Variants in OR1J2 observed in about 807,000 individuals in gnomAD.
The protein encoded by OR1J2 is olfactory receptor 1J2.
For synonymous variants in OR1J2, 142 were observed against 99.7 expected (o/e 1.42, Z -2.52); for missense variants, 304 against 246.1 (o/e 1.24, Z -1.57).
At chr9:122,508,203 GAGA>G (rs1458531387), upstream of OR1J2, among the ~76,000 whole-genome samples, 100 of 151,148 alleles carry the variant, frequency 6.6e-4, no homozygotes, top group African/African-American at 2.2e-3. Flanking sequence ...GAAGAAGGAG[GAGA>G]AGGAGGAGGA....
At chr9:122,457,324 C>T in the OR1J2 span, among the ~76,000 whole-genome samples, 2 of 152,036 alleles carry the variant, frequency 1.3e-5, no homozygotes, top group Non-Finnish European at 2.9e-5. Flanking sequence ...CACCATGGCA[C>T]ACGTTTGCCT....
the OR1J2 span, among the ~76,000 whole-genome samples, chr9:122,485,374 C>A: frequency 2.6e-4 from 39 of 152,238 alleles, no homozygotes; most frequent in Admixed American, 7.2e-4. Context: ...CACTTTGGAC[C>A]CAAACTTGAC....
the OR1J2 span, chr9:122,578,315 G>A: frequency 6.6e-6 from 1 of 152,166 alleles, no homozygotes; most frequent in Non-Finnish European, 1.5e-5. Flanking sequence ...TGGTCATGGT[G>A]GCAGTCACCT....
chr9:122,513,784 G>A (rs1255924359), downstream of OR1J2, among the ~76,000 whole-genome samples: 2 of 151,860 alleles, frequency 1.3e-5, no homozygotes, highest in South Asian at 4.1e-4. Flanking sequence ...TGATTCACAA[G>A]CATTTTCACA....
chr9:122,459,168 C>T, the OR1J2 span, among the ~76,000 whole-genome samples: 1 of 152,048 alleles, frequency 6.6e-6, no homozygotes, highest in African/African-American at 2.4e-5. Context: ...AATGATGTTC[C>T]AAATTTTCTT....
the OR1J2 span, among the ~76,000 whole-genome samples, chr9:122,557,813 C>G: frequency 0.27 from 41,389 of 151,884 alleles, 5,824 homozygotes; most frequent in Middle Eastern, 0.34. Context: ...ATGTTTGATA[C>G]AATTCACCAG....
In OR1J2 at chr9:122,511,296, G is replaced by A. The variant is rs1293665072; in HGVS notation, c.495G>A (p.Arg165=). 5.5e-6 allele frequency: 4 copies of A among 733,890 alleles called. No homozygotes were observed. The highest frequency in any genetic ancestry group is 1.0e-5 in the Non-Finnish European group (4 of 397,608). 45.5% of individuals were successfully genotyped at this position (733,890 alleles called of 1,614,324 possible). The change falls in exon 1 of 1, where the codon CGG becomes CGA. Residue 165 remains arginine (R), a synonymous_variant. Coordinates refer to ENST00000335302, the MANE Select transcript of OR1J2 (RefSeq NM_054107.1). ...TCTCTCACACCCTTCTCCTGACCCG[G>A]CTGTCTTTCTGTGCTGCGAACACCA... ...SSLSHTLLLT[R]LSFCAANTIP...
the OR1J2 span, among the ~76,000 whole-genome samples, chr9:122,542,062 G>A: frequency 3.3e-5 from 5 of 152,140 alleles, no homozygotes; most frequent in African/African-American, 1.2e-4. Context: ...TGTTTTTGAA[G>A]TTCAGGTAAA....
At chr9:122,499,159 G>A in the OR1J2 span, among the ~76,000 whole-genome samples, 2 of 152,246 alleles carry the variant, frequency 1.3e-5, no homozygotes, top group Non-Finnish European at 1.5e-5. Context: ...GGACTGGGCA[G>A]GTTTACCTGC....
chr9:122,522,183 G>T, the OR1J2 span, among the ~76,000 whole-genome samples: 1 of 152,304 alleles, frequency 6.6e-6, no homozygotes, highest in South Asian at 2.1e-4. Flanking sequence ...TTAGAACAAA[G>T]CTTGCTGCAT....
the OR1J2 span, among the ~76,000 whole-genome samples, chr9:122,479,750 A>G: frequency 1.3e-5 from 2 of 152,188 alleles, no homozygotes; most frequent in Admixed American, 6.5e-5. Flanking sequence ...ATTCTTTTTC[A>G]TGTTTCCATG....
the OR1J2 span, among the ~76,000 whole-genome samples, chr9:122,521,612 C>T: frequency 2.6e-5 from 4 of 152,212 alleles, no homozygotes; most frequent in Non-Finnish European, 4.4e-5. Context: ...TAGCCCCGAC[C>T]TTTTCCAGAG....
the OR1J2 span, chr9:122,553,642 G>C: frequency 6.2e-7 from 1 of 1,614,090 alleles, no homozygotes; most frequent in Non-Finnish European, 8.5e-7. Flanking sequence ...CCCCAGCTCT[G>C]TGCACTAATG....
chr9:122,525,483 A>G, the OR1J2 span, among the ~76,000 whole-genome samples: 1 of 152,176 alleles, frequency 6.6e-6, no homozygotes, highest in Non-Finnish European at 1.5e-5. Context: ...TAATATTTCT[A>G]AGATTCTTGG....
chr9:122,458,023 T>A, the OR1J2 span, among the ~76,000 whole-genome samples: 1 of 152,296 alleles, frequency 6.6e-6, no homozygotes, highest in Admixed American at 6.5e-5. Context: ...ATTTTTGTTT[T>A]TCTTCATATT....
chr9:122,489,478 C>T, the OR1J2 span, among the ~76,000 whole-genome samples: 2 of 152,094 alleles, frequency 1.3e-5, no homozygotes, highest in East Asian at 3.9e-4. Context: ...CATGAAGCTT[C>T]GGTGCTAGGG....
chr9:122,572,439 T>C, the OR1J2 span, among the ~76,000 whole-genome samples: 2 of 152,252 alleles, frequency 1.3e-5, no homozygotes, highest in African/African-American at 4.8e-5. Flanking sequence ...ACTGTAGACA[T>C]GAGGATCACC....
At chr9:122,447,698 C>G in the OR1J2 span, among the ~76,000 whole-genome samples, 1 of 151,810 alleles carries the variant, frequency 6.6e-6, no homozygotes, top group Non-Finnish European at 1.5e-5. Flanking sequence ...GGGTTTCTTT[C>G]CTCCGCTCCT....
the OR1J2 span, among the ~76,000 whole-genome samples, chr9:122,522,981 A>G: frequency 2.5e-4 from 38 of 152,364 alleles, no homozygotes; most frequent in Non-Finnish European, 3.8e-4. Flanking sequence ...TAATAATTCT[A>G]CATATATACA....
Sources: gnomAD v4.1 joint callset for allele counts (sites outside exome capture counted in the v4.1 genomes callset) on GRCh38, gnomAD v4.1.1 for gene constraint, MANE v1.5 for transcripts, NCBI Gene and HGNC (gene_info 2026-07-23, HGNC 2026-07-21) for gene names.